KLRG1: variants seen among roughly 807,000 people sequenced by gnomAD.
KLRG1 encodes killer cell lectin-like receptor subfamily G member 1.
In KLRG1, 16 loss-of-function variants were observed where a neutral mutation model predicts 21.8. The ratio of observed to expected loss-of-function variants is 0.73; its 90% CI spans 0.50 to 1.11. The LOEUF is 1.11. KLRG1 is among the 50% of genes most tolerant of loss of function. KLRG1 has a pLI of 0.00. For synonymous variants in KLRG1, 69 were observed against 75.9 expected, an observed-to-expected ratio of 0.91 and a Z score of 0.47; for missense variants, 173 against 218.3, an observed-to-expected ratio of 0.79 and a Z score of 1.31.
chr12:8,958,595 G>A (rs1421529900), intron 1 of KLRG1, among the ~76,000 whole-genome samples: 2 of 150,226 alleles, frequency 1.3e-5, no homozygotes, highest in Admixed American at 6.6e-5. Context: ...AGTGGCTCAC[G>A]TGTGTAATCT....
chr12:8,967,951 AAAAG>A (rs770062313), intron 1 of KLRG1, among the ~76,000 whole-genome samples: 85 of 151,926 alleles, frequency 5.6e-4, no homozygotes, highest in Middle Eastern at 3.4e-3. Flanking sequence ...AGGAAGGGAG[AAAAG>A]AAAGAAAGAA....
the KLRG1 span, among the ~76,000 whole-genome samples, chr12:9,210,575 T>C: frequency 3.7e-4 from 56 of 152,338 alleles, no homozygotes; most frequent in African/African-American, 1.3e-3. Flanking sequence ...TTTGGATTCA[T>C]AATTCTTCAC....
chr12:9,095,000 G>A, the KLRG1 span: 1 of 1,583,002 alleles, frequency 6.3e-7, no homozygotes, highest in Non-Finnish European at 8.6e-7. Flanking sequence ...AGACCTTCAG[G>A]TCCATGCATT....
At chr12:9,131,579 A>G in the KLRG1 span, among the ~76,000 whole-genome samples, 1 of 152,198 alleles carries the variant, frequency 6.6e-6, no homozygotes, top group Non-Finnish European at 1.5e-5. Context: ...GGTAAACACT[A>G]GGATGTAAAT....
chr12:9,175,184 A>G, the KLRG1 span, among the ~76,000 whole-genome samples: 1 of 152,242 alleles, frequency 6.6e-6, no homozygotes, highest in Non-Finnish European at 1.5e-5. Flanking sequence ...GATCTTTGAC[A>G]AACTTGACAA....
chr12:8,987,457 G>A (rs946612610), upstream of KLRG1: 1 of 152,160 alleles, frequency 6.6e-6, no homozygotes, highest in East Asian at 1.9e-4. Context: ...CAACTCTGCT[G>A]GCATCTTGAT....
At chr12:8,982,106 A>G (rs1468185375) in intron 1 of KLRG1, among the ~76,000 whole-genome samples, 1 of 152,178 alleles carries the variant, frequency 6.6e-6, no homozygotes, top group Non-Finnish European at 1.5e-5. Flanking sequence ...TAATTATGTT[A>G]CCTTATATGA....
At chr12:9,019,896 T>C in the KLRG1 span, among the ~76,000 whole-genome samples, 1 of 152,146 alleles carries the variant, frequency 6.6e-6, no homozygotes, top group African/African-American at 2.4e-5. Flanking sequence ...CTTCCTTTTT[T>C]ACTCACTGCA....
chr12:9,123,529 G>C, the KLRG1 span, among the ~76,000 whole-genome samples: 1 of 152,058 alleles, frequency 6.6e-6, no homozygotes, highest in Non-Finnish European at 1.5e-5. Flanking sequence ...TTCATATCCC[G>C]GGTGTCAAGA....
the KLRG1 span, among the ~76,000 whole-genome samples, chr12:9,141,856 C>T: frequency 1.3e-3 from 201 of 152,242 alleles, no homozygotes; most frequent in African/African-American, 4.3e-3. Context: ...AGATAAGGTC[C>T]GACTTATTCC....
At chr12:9,154,816 G>C in the KLRG1 span, 1 of 1,614,112 alleles carries the variant, frequency 6.2e-7, no homozygotes, top group Non-Finnish European at 8.5e-7. Flanking sequence ...GGTCTCTGAG[G>C]GCGCTCCCAA....
the KLRG1 span, among the ~76,000 whole-genome samples, chr12:9,179,587 C>A: frequency 6.6e-6 from 1 of 152,138 alleles, no homozygotes; most frequent in Admixed American, 6.5e-5. Context: ...TTTCACAGAT[C>A]CCAACAACTC....
At chr12:9,060,792 G>A in the KLRG1 span, among the ~76,000 whole-genome samples, 129 of 152,088 alleles carry the variant, frequency 8.5e-4, 1 homozygote, top group African/African-American at 3.0e-3. Flanking sequence ...GGTATATGTC[G>A]CTTCTTTATA....
the KLRG1 span, among the ~76,000 whole-genome samples, chr12:9,086,345 C>T: frequency 6.6e-6 from 1 of 152,142 alleles, no homozygotes; most frequent in African/African-American, 2.4e-5. Flanking sequence ...CTGGGGAACA[C>T]AGCAAAAGCT....
At chr12:9,133,193 A>G in the KLRG1 span, among the ~76,000 whole-genome samples, 19 of 152,202 alleles carry the variant, frequency 1.2e-4, no homozygotes, top group Admixed American at 6.5e-4. Flanking sequence ...CAGTGAAGCT[A>G]TTCAAGTAGG....
intron 1 of KLRG1, among the ~76,000 whole-genome samples, chr12:8,972,668 A>C (rs778265860): frequency 7.9e-5 from 12 of 152,078 alleles, no homozygotes; most frequent in Non-Finnish European, 1.8e-4. Flanking sequence ...CCATTGGTTT[A>C]TATGTCTGTT....
the KLRG1 span, among the ~76,000 whole-genome samples, chr12:9,119,816 T>C: frequency 6.6e-6 from 1 of 152,096 alleles, no homozygotes; most frequent in East Asian, 1.9e-4. Flanking sequence ...TTCATTATAA[T>C]CACAGATAAA....
the KLRG1 span, among the ~76,000 whole-genome samples, chr12:9,188,277 G>A: frequency 6.6e-6 from 1 of 152,064 alleles, no homozygotes; most frequent in Non-Finnish European, 1.5e-5. Flanking sequence ...ACAAAAATAC[G>A]ATTATCTTAT....
the KLRG1 span, chr12:9,203,846 C>T: frequency 1.2e-6 from 2 of 1,614,088 alleles, no homozygotes; most frequent in Non-Finnish European, 1.7e-6. Context: ...TGCCAGACTC[C>T]AAGGAAGCAC....
Sources: allele counts gnomAD v4.1 joint callset (sites outside exome capture counted in the v4.1 genomes callset), GRCh38; gene constraint gnomAD v4.1.1; transcripts MANE v1.5; gene names NCBI Gene and HGNC (gene_info 2026-07-23, HGNC 2026-07-21).